LRRTM4: variants seen among roughly 807,000 people sequenced by gnomAD.
LRRTM4 encodes leucine rich repeat transmembrane neuronal 4, also known as leucine-rich repeat transmembrane neuronal protein 4.
LRRTM4 carries 25 observed loss-of-function variants against 47.6 expected under a neutral mutation model. The ratio of observed to expected loss-of-function variants is 0.53; its 90% confidence interval spans 0.38 to 0.73. The LOEUF is 0.73. LRRTM4 is among the 30% of genes least tolerant of loss of function. The pLI is 0.00. For missense variants in LRRTM4, 638 were observed against 713.4 expected (o/e 0.89, Z 1.20); for synonymous variants, 311 against 269.5 (o/e 1.15, Z -1.51).
intron 3 of LRRTM4, among the ~76,000 whole-genome samples, chr2:76,967,571 A>C (rs1002411531): frequency 6.6e-6 from 1 of 151,572 alleles, no homozygotes; most frequent in Admixed American, 6.6e-5. Flanking sequence ...CTTCTAAAAT[A>C]AACTTCCCAT....
chr2:76,882,895 C>A (rs1037546912), intron 3 of LRRTM4, among the ~76,000 whole-genome samples: 17 of 152,230 alleles, frequency 1.1e-4, no homozygotes, highest in African/African-American at 4.1e-4. Context: ...TTCAAACTGT[C>A]ATCCTAGTTT....
chr2:77,223,546 G>A (rs1674708909), intron 3 of LRRTM4, among the ~76,000 whole-genome samples: 1 of 152,136 alleles, frequency 6.6e-6, no homozygotes, highest in Non-Finnish European at 1.5e-5. Flanking sequence ...AAAATCACAA[G>A]CATTCTTATA....
At chr2:77,376,381 A>G (rs137905903) in intron 3 of LRRTM4, among the ~76,000 whole-genome samples, 272 of 151,682 alleles carry the variant, frequency 1.8e-3, no homozygotes, top group Non-Finnish European at 3.0e-3. Flanking sequence ...ACTATTAACT[A>G]AACTCCACAG....
chr2:77,263,130 C>A (rs1675963145), intron 3 of LRRTM4, among the ~76,000 whole-genome samples: 1 of 152,010 alleles, frequency 6.6e-6, no homozygotes, highest in South Asian at 2.1e-4. Flanking sequence ...ATAAAGCCTC[C>A]ATAAAAACCC....
Position 76,924,680 on chromosome 2 carries a change from T to A in LRRTM4, c.1552-175764A>T, listed in dbSNP as rs192551174. Among the ~76,000 whole-genome samples the A allele has an allele frequency of 2.2e-3, 342 of 152,078 alleles. 6 individuals are homozygous for A. Among genetic ancestry groups the A allele is most frequent in the Non-Finnish European group, 4.3e-4 (29 of 68,000 alleles). On this transcript the variant is annotated intron_variant, in intron 3 of 3. Transcript: ENST00000409884. ...TACAAATTTTGCATTGGCTTATGCA[T>A]GATTTCATCTGTGAGAAACACTAGC...
chr2:77,309,621 C>T (rs564631502), intron 3 of LRRTM4, among the ~76,000 whole-genome samples: 2 of 152,022 alleles, frequency 1.3e-5, no homozygotes, highest in South Asian at 2.1e-4. Context: ...AGCCACTGCA[C>T]TGAGCAACAT....
intron 3 of LRRTM4, among the ~76,000 whole-genome samples, chr2:76,870,010 G>A (rs191450316): frequency 1.3e-5 from 2 of 152,210 alleles, no homozygotes; most frequent in Non-Finnish European, 2.9e-5. Flanking sequence ...ACTTAGGGAG[G>A]CACAAAACAA....
rs1202871003 is a variant in LRRTM4, at chr2:77,176,392, G to T, written c.1551+341926C>A. 3.2e-4 allele frequency among the ~76,000 whole-genome samples: 48 copies of T among 152,230 alleles called. 1 individual carries two copies. Among genetic ancestry groups the T allele is most frequent in the Admixed American group, 3.1e-3 (48 of 15,282 alleles). ...GACTTAGAAGGCTCCCATGGTATAC[G>T]ACTTATAGTCTAAAACTAAGTCAGT... is the stretch of plus-strand genomic sequence containing the variant. On this transcript the variant is annotated intron_variant, in intron 3 of 3. Transcript: ENST00000409884.
chr2:76,912,390 T>G (rs1055545280), intron 3 of LRRTM4, among the ~76,000 whole-genome samples: 2 of 152,212 alleles, frequency 1.3e-5, no homozygotes, highest in Non-Finnish European at 2.9e-5. Context: ...TATTTTCAGT[T>G]ACATTTCTTA....
chr2:76,748,009 C>T lies in LRRTM4; in HGVS notation c.*686G>A, dbSNP rs2104041546. 6.6e-6 allele frequency: 1 copy of T among 152,428 alleles called. No individual in the cohort carries two copies. The allele number at this position is 152,428 out of a possible 1,614,324, so 9.4% of individuals were successfully genotyped here. ...TCCTTCTATCATGTACCATATATGG[C>T]ATTTGTCATGAAGGGTCATTCACCC... is the stretch of plus-strand genomic sequence containing the variant. On this transcript the variant is annotated 3_prime_UTR_variant, in exon 4 of 4. Coordinates refer to ENST00000409884, the MANE Select transcript of LRRTM4 (RefSeq NM_001134745.3).
intron 3 of LRRTM4, among the ~76,000 whole-genome samples, chr2:76,793,442 AT>A (rs371885866): frequency 2.0e-5 from 3 of 151,452 alleles, no homozygotes; most frequent in Non-Finnish European, 4.4e-5. Context: ...AGAATCAAGT[AT>A]TTTTTTTTCA....
At chr2:77,045,754 A>AT (rs1049262045) in intron 3 of LRRTM4, among the ~76,000 whole-genome samples, 5 of 151,638 alleles carry the variant, frequency 3.3e-5, no homozygotes, top group African/African-American at 9.7e-5. Flanking sequence ...AGTCCAATTA[A>AT]TTTTTTTTCT....
At chr2:77,205,445 T>C (rs909561313) in intron 3 of LRRTM4, among the ~76,000 whole-genome samples, 1 of 152,130 alleles carries the variant, frequency 6.6e-6, no homozygotes, top group East Asian at 1.9e-4. Context: ...ATAGGAACAA[T>C]GAGAAGAGCT....
rs1677561553 is a variant in LRRTM4 at position 77,004,523 on chromosome 2, AG to A, written c.1552-255608del. Among the ~76,000 whole-genome samples the A allele has an allele frequency of 7.2e-5, 11 of 152,338 alleles. No individual in the cohort carries two copies. The South Asian group carries it at 2.3e-3, about 32-fold the overall frequency. On this transcript the variant is annotated intron_variant, in intron 3 of 3. Transcript: ENST00000409884. ...CATGTATGAAAACACCTGGATGTTC[AG>A]GCAGAAGTGTGCTACAGTGGTGGTG...
chr2:76,971,012 C>T (rs775029419), intron 3 of LRRTM4, among the ~76,000 whole-genome samples: 2 of 151,928 alleles, frequency 1.3e-5, no homozygotes, highest in Non-Finnish European at 2.9e-5. Context: ...CAAAAAATAA[C>T]ATTCAAAGCA....
chr2:77,005,788 T>A (rs780950299), intron 3 of LRRTM4, among the ~76,000 whole-genome samples: 1 of 152,198 alleles, frequency 6.6e-6, no homozygotes, highest in Non-Finnish European at 1.5e-5. Flanking sequence ...CAAACCTCTT[T>A]CCTTTATAAA....
chr2:77,343,867 T>C (rs867411846), intron 3 of LRRTM4, among the ~76,000 whole-genome samples: 11 of 151,928 alleles, frequency 7.2e-5, no homozygotes, highest in Non-Finnish European at 1.0e-4. Flanking sequence ...AGCTGCTATC[T>C]AAAAACAAAG....
intron 3 of LRRTM4, among the ~76,000 whole-genome samples, chr2:77,055,913 T>C (rs56117161): frequency 0.53 from 79,989 of 150,056 alleles, 23,867 homozygotes; most frequent in African/African-American, 0.81. Flanking sequence ...AATTGGAAAT[T>C]ATCATTCTCA....
intron 3 of LRRTM4, among the ~76,000 whole-genome samples, chr2:77,225,006 C>T (rs1406420161): frequency 1.3e-5 from 2 of 150,114 alleles, no homozygotes; most frequent in East Asian, 3.9e-4. Flanking sequence ...AAATGTGGCA[C>T]ATCTACACCA....
Sources: gnomAD v4.1 joint callset for allele counts (sites outside exome capture counted in the v4.1 genomes callset) on GRCh38, gnomAD v4.1.1 for gene constraint, MANE v1.5 for transcripts, NCBI Gene and HGNC (gene_info 2026-07-23, HGNC 2026-07-21) for gene names.